The following CDH18 variants were observed in gnomAD, a reference collection of about 807,000 sequenced individuals.
The protein encoded by CDH18 is cadherin-18.
In CDH18, 31 loss-of-function variants were observed where a neutral mutation model predicts 67.9. The ratio of observed to expected loss-of-function variants is 0.46; its 90% CI spans 0.34 to 0.62. The LOEUF is 0.62. Among genes scored for constraint, CDH18 ranks in the 20% least tolerant of loss-of-function variants. CDH18 has a pLI of 0.01. For synonymous variants in CDH18, 362 were observed against 347.2 expected, an observed-to-expected ratio of 1.04 and a Z score of -0.48; for missense variants, 890 against 975.5, an observed-to-expected ratio of 0.91 and a Z score of 1.17.
intron 2 of CDH18, among the ~76,000 whole-genome samples, chr5:20,244,100 T>C (rs1411658161): frequency 6.6e-6 from 1 of 152,142 alleles, no homozygotes; most frequent in Non-Finnish European, 1.5e-5. Context: ...ATGCCAAATA[T>C]TATGATTTTA....
At chr5:20,170,259 C>G (rs1205308248) in intron 2 of CDH18, among the ~76,000 whole-genome samples, 1 of 151,386 alleles carries the variant, frequency 6.6e-6, no homozygotes, top group Non-Finnish European at 1.5e-5. Flanking sequence ...CTCCCACTTA[C>G]AAGTGAGAAC....
chr5:19,760,822 T>G (rs1238840835), intron 3 of CDH18, among the ~76,000 whole-genome samples: 1 of 152,158 alleles, frequency 6.6e-6, no homozygotes, highest in Non-Finnish European at 1.5e-5. Context: ...TTATCTTGCC[T>G]GGCAACTACC....
At chr5:20,419,627 G>A (rs1293314767) in intron 1 of CDH18, among the ~76,000 whole-genome samples, 2 of 150,652 alleles carry the variant, frequency 1.3e-5, no homozygotes, top group African/African-American at 2.5e-5. Context: ...ACAGGCGCCC[G>A]CCACGACGCC....
At chr5:20,062,417 G>A (rs1019528826) in intron 2 of CDH18, among the ~76,000 whole-genome samples, 1 of 151,984 alleles carries the variant, frequency 6.6e-6, no homozygotes, top group Admixed American at 6.6e-5. Context: ...ACCTCCCAAA[G>A]TGCTGGATGG....
At chr5:19,809,782 G>A (rs772396983) in intron 3 of CDH18, among the ~76,000 whole-genome samples, 6 of 152,040 alleles carry the variant, frequency 3.9e-5, no homozygotes, top group Non-Finnish European at 5.9e-5. Flanking sequence ...AAGATAAGTG[G>A]CTCTCTATGA....
chr5:20,177,667 G>A (rs1302695667), intron 2 of CDH18, among the ~76,000 whole-genome samples: 3 of 151,902 alleles, frequency 2.0e-5, no homozygotes, highest in African/African-American at 7.3e-5. Flanking sequence ...GATATGGTTC[G>A]GCCATGTCCC....
chr5:19,972,976 T>A lies in CDH18; in HGVS notation c.-257+8084A>T, dbSNP rs1052120674. 1.2e-4 allele frequency among the ~76,000 whole-genome samples: 18 copies of A among 152,020 alleles called. 1 individual carries two copies. Among genetic ancestry groups the A allele is most frequent in the African/African-American group, 3.9e-4 (16 of 41,520 alleles). On this transcript the variant is annotated intron_variant, in intron 2 of 12. Transcript: ENST00000382275. ...TTTCTATTATTATCTGAAGTAATAG[T>A]CAATAATATTAATTAATAATATTAC...
chr5:19,563,142 T>C (rs1739751278), intron 8 of CDH18, among the ~76,000 whole-genome samples: 1 of 152,214 alleles, frequency 6.6e-6, no homozygotes, highest in African/African-American at 2.4e-5. Context: ...TTTTGATACT[T>C]GACTTTTGTA....
At chr5:19,579,712 C>T (rs150631756) in intron 7 of CDH18, among the ~76,000 whole-genome samples, 2 of 151,720 alleles carry the variant, frequency 1.3e-5, no homozygotes, top group Admixed American at 6.6e-5. Context: ...TTTAAACTTA[C>T]AATCCTATGT....
chr5:20,538,621 G>T (rs1213332803), intron 1 of CDH18, among the ~76,000 whole-genome samples: 1 of 152,082 alleles, frequency 6.6e-6, no homozygotes, highest in African/African-American at 2.4e-5. Flanking sequence ...CCTGTAGGGA[G>T]TTAATCATGA....
intron 5 of CDH18, among the ~76,000 whole-genome samples, chr5:19,692,991 C>A (rs549957151): frequency 3.9e-5 from 6 of 152,142 alleles, no homozygotes; most frequent in Non-Finnish European, 8.8e-5. Context: ...TGGAATCAAC[C>A]TAAGTGGCTA....
intron 2 of CDH18, among the ~76,000 whole-genome samples, chr5:20,192,208 T>C (rs1738600296): frequency 6.6e-6 from 1 of 152,034 alleles, no homozygotes; most frequent in Admixed American, 6.6e-5. Context: ...ACGTTTTTTT[T>C]TTTCTTGTAA....
intron 9 of CDH18, among the ~76,000 whole-genome samples, chr5:19,536,966 A>T (rs1279957593): frequency 6.6e-6 from 1 of 152,198 alleles, no homozygotes; most frequent in Non-Finnish European, 1.5e-5. Context: ...GTGAAAGATC[A>T]CTCAGATAAC....
intron 2 of CDH18, among the ~76,000 whole-genome samples, chr5:19,878,772 CAT>C (rs1449634495): frequency 6.6e-6 from 1 of 152,042 alleles, no homozygotes; most frequent in Non-Finnish European, 1.5e-5. Context: ...ACTTACATTA[CAT>C]GAGTCTATGA....
intron 10 of CDH18, among the ~76,000 whole-genome samples, chr5:19,505,900 C>T (rs1224346151): frequency 1.3e-5 from 2 of 152,118 alleles, no homozygotes; most frequent in Non-Finnish European, 2.9e-5. Flanking sequence ...ATGGTACCAG[C>T]TCCTCTTTGT....
At chr5:19,989,426 G>A (rs553710793), upstream of CDH18, among the ~76,000 whole-genome samples, 81 of 152,278 alleles carry the variant, frequency 5.3e-4, no homozygotes, top group Admixed American at 1.4e-3. Flanking sequence ...TTCAAATCAC[G>A]GCTGGGACAT....
intron 1 of CDH18, among the ~76,000 whole-genome samples, chr5:20,488,105 T>C (rs1022415192): frequency 3.3e-5 from 5 of 152,166 alleles, no homozygotes; most frequent in Non-Finnish European, 7.3e-5. Context: ...GAAGATTCTT[T>C]TTATCCTTTT....
chr5:20,486,441 T>A (rs900476153), intron 1 of CDH18, among the ~76,000 whole-genome samples: 1 of 152,066 alleles, frequency 6.6e-6, no homozygotes. Flanking sequence ...ATCTTGTTTC[T>A]CTTATTTCAT....
chr5:20,216,645 C>T (rs527416877), intron 2 of CDH18, among the ~76,000 whole-genome samples: 4 of 151,884 alleles, frequency 2.6e-5, no homozygotes, highest in African/African-American at 4.8e-5. Context: ...ACACTAGTTT[C>T]CTCTGAGCTT....
Sources: gnomAD v4.1 joint callset for allele counts (sites outside exome capture counted in the v4.1 genomes callset) on GRCh38, gnomAD v4.1.1 for gene constraint, MANE v1.5 for transcripts, NCBI Gene and HGNC (gene_info 2026-07-23, HGNC 2026-07-21) for gene names.